VCAM1: variants seen among roughly 807,000 people sequenced by gnomAD.
The protein encoded by VCAM1 is vascular cell adhesion protein 1.
In VCAM1, 41 loss-of-function variants were observed where a neutral mutation model predicts 63.8. The observed-to-expected ratio is 0.64, with a 90% CI of 0.50 to 0.83. The LOEUF (loss-of-function observed/expected upper bound fraction) is 0.83. Among genes scored for constraint, VCAM1 ranks in the 40% least tolerant of loss-of-function variants. The pLI is 0.00. For missense variants in VCAM1, 798 were observed against 875.5 expected, an observed-to-expected ratio of 0.91 and a Z score of 1.12; for synonymous variants, 338 against 320.7, an observed-to-expected ratio of 1.05 and a Z score of -0.58.
chr1:100,723,082 G>A lies in VCAM1; in HGVS notation c.403G>A (p.Val135Ile). 6.2e-7 allele frequency: 1 copy of A among 1,612,950 alleles called. No homozygotes were observed. Among genetic ancestry groups the A allele is most frequent in the Non-Finnish European group, 8.5e-7 (1 of 1,179,392 alleles). Reference protein sequence around the residue: ...GPLEAGKPITVKCSVADVYPF... With the variant: ...GPLEAGKPITIKCSVADVYPF... The stretch of plus-strand genomic sequence containing the variant: ...TCTGGAGGCTGGGAAGCCGATCACA[G>A]TCAAGTGTTCAGTTGCTGATGTATA... Residue 135 changes from valine (V) to isoleucine (I), a missense_variant, in exon 3 of 9, where the codon GTC becomes ATC. Coordinates refer to ENST00000294728, the MANE Select transcript of VCAM1 (RefSeq NM_001078.4).
chr1:100,738,125 AG>A lies in VCAM1; in HGVS notation c.2063del (p.Arg688LysfsTer21). 6.2e-7 allele frequency: 1 copy of A among 1,612,090 alleles called. No homozygotes were observed. The highest frequency in any genetic ancestry group is 1.1e-5 in the South Asian group (1 of 90,658). ...GCATCCATTTTGTTATTTTCCAGGAAGAGAAAACAACAAAGACTATTTTTCT... is the reference window on the plus strand; with the variant it reads ...GCATCCATTTTGTTATTTTCCAGGAAAGAAAACAACAAAGACTATTTTTCT... ...LRSLTLDVQG[R>X]ENNKDYFSPE... On this transcript the variant is annotated frameshift_variant, in exon 9 of 9. Transcript: ENST00000294728. LOFTEE classifies it high-confidence loss of function.
At chr1:100,721,398 G>A (rs1212994283) in intron 2 of VCAM1, among the ~76,000 whole-genome samples, 1 of 151,918 alleles carries the variant, frequency 6.6e-6, no homozygotes, top group Non-Finnish European at 1.5e-5. Flanking sequence ...CCTCATGAAA[G>A]TGAGTGGATG....
chr1:100,722,366 A>C (rs994551356), intron 2 of VCAM1, among the ~76,000 whole-genome samples: 2 of 152,038 alleles, frequency 1.3e-5, no homozygotes, highest in East Asian at 1.9e-4. Flanking sequence ...CAGAGGCACC[A>C]TTTTCAGAAG....
At chr1:100,734,078 TA>T (rs1164368336) in intron 7 of VCAM1, among the ~76,000 whole-genome samples, 3 of 152,094 alleles carry the variant, frequency 2.0e-5, no homozygotes, top group Non-Finnish European at 2.9e-5. Context: ...TGCCACACTT[TA>T]AAACCAAAAG....
chr1:100,728,880 T>C (rs568723290), intron 4 of VCAM1, among the ~76,000 whole-genome samples: 42 of 152,142 alleles, frequency 2.8e-4, no homozygotes, highest in African/African-American at 1.0e-3. Flanking sequence ...TGACAAATTT[T>C]TATCTATTCA....
In VCAM1 at chr1:100,731,413, A is replaced by T. The variant is rs748956130; in HGVS notation, c.1420A>T (p.Ile474Phe). ...KSLEMTFIPT[I>F]EDTGKALVCQ... ...TTTGGAAATGACCTTCATCCCTACC[A>T]TTGAAGATACTGGAAAAGCTCTTGT... is the stretch of plus-strand genomic sequence containing the variant. The change falls in exon 6 of 9, where the codon ATT becomes TTT. Residue 474 changes from isoleucine (I) to phenylalanine (F), a missense_variant. Ile to Phe is a conservative substitution (Grantham distance 21). Coordinates refer to ENST00000294728, the MANE Select transcript of VCAM1 (RefSeq NM_001078.4). The surrounding 1 kb of genome is among the most constrained non-coding windows in gnomAD (Gnocchi z 4.2). The T allele has an allele frequency of 6.2e-7, 1 of 1,613,842 alleles. No homozygotes were observed. The highest frequency in any genetic ancestry group is 1.1e-5 in the South Asian group (1 of 91,080).
chr1:100,727,908 C>G (rs1222449925), intron 4 of VCAM1, among the ~76,000 whole-genome samples: 1 of 152,036 alleles, frequency 6.6e-6, no homozygotes, highest in Non-Finnish European at 1.5e-5. Context: ...TAACTTATGG[C>G]ATAGATGAGA....
intron 7 of VCAM1, 83 bp downstream of exon 7, chr1:100,732,767 CA>C: frequency 7.0e-7 from 1 of 1,426,334 alleles, no homozygotes; most frequent in Non-Finnish European, 9.3e-7. Context: ...TCTTTGAAAA[CA>C]AAATTTTTAC....
In VCAM1 at chr1:100,731,292, T is replaced by C; in HGVS notation, c.1299T>C (p.Leu433=). ...VSCKVPSVYP[L]DRLEIELLKG... ...GCAAGGTTCCTAGCGTGTACCCCCT[T>C]GACCGGCTGGAGATTGAATTACTTA... The change falls in exon 6 of 9, where the codon CTT becomes CTC. Residue 433 remains leucine (L), a synonymous_variant. Coordinates refer to ENST00000294728, the MANE Select transcript of VCAM1 (RefSeq NM_001078.4). The surrounding 1 kb of genome is among the most constrained non-coding windows in gnomAD (Gnocchi z 4.2). 1 of 1,613,848 alleles carries C rather than the reference T, an allele frequency of 6.2e-7. No individual in the cohort carries two copies. The highest frequency in any genetic ancestry group is 1.3e-5 in the African/African-American group (1 of 75,020).
At position 100,731,531 on chromosome 1, in the gene VCAM1, G is replaced by A. The variant is rs1660457089; in HGVS notation, c.1525+13G>A. 2 of 1,605,850 alleles carry A rather than the reference G, an allele frequency of 1.2e-6. No homozygotes were observed. The highest frequency in any genetic ancestry group is 1.7e-6 in the Non-Finnish European group (2 of 1,175,636). ...CTTTATGTCAATGGTAAGTACATAT[G>A]TGAGGTATCTACAGTTTAATACCTG... On this transcript the variant is annotated intron_variant, in intron 6 of 8. Transcript: ENST00000294728. This position sits in a 1 kb window ranked among gnomAD's most constrained non-coding sequence, Gnocchi z 4.2.
At chr1:100,735,068 G>T (rs1021762152) in intron 8 of VCAM1, 2 of 286,520 alleles carry the variant, frequency 7.0e-6, no homozygotes, top group Non-Finnish European at 1.3e-5. Flanking sequence ...TTCCCGGGAG[G>T]TTATAAGGAA....
At chr1:100,736,918 C>T (rs540079872) in intron 8 of VCAM1, 44 of 152,258 alleles carry the variant, frequency 2.9e-4, no homozygotes, top group African/African-American at 1.0e-3. Context: ...TCTGCCAGGA[C>T]TGAGACAATG....
At chr1:100,727,709 T>A (rs1284713810) in intron 4 of VCAM1, among the ~76,000 whole-genome samples, 1 of 152,088 alleles carries the variant, frequency 6.6e-6, no homozygotes, top group Non-Finnish European at 1.5e-5. Flanking sequence ...TGAGAAATGT[T>A]CACAGACAGG....
Position 100,720,526 on chromosome 1 carries a change from A to G in VCAM1, c.115A>G (p.Ile39Val). Residue 39 changes from isoleucine (I) to valine (V), a missense_variant, in exon 2 of 9, where the codon ATT becomes GTT. Ile to Val is a conservative substitution (Grantham distance 29). Transcript: ENST00000294728. ...TTPESRYLAQ[I>V]GDSVSLTCST... ...CCCAGAATCTAGATATCTTGCTCAGATTGGTGACTCCGTCTCATTGACTTG... is the reference window on the plus strand; with the variant it reads ...CCCAGAATCTAGATATCTTGCTCAGGTTGGTGACTCCGTCTCATTGACTTG... The G allele has an allele frequency of 6.2e-7, 1 of 1,613,320 alleles. No individual in the cohort carries two copies. The highest frequency in any genetic ancestry group is 8.5e-7 in the Non-Finnish European group (1 of 1,179,474).
chr1:100,731,879 C>CT lies in VCAM1; in HGVS notation c.1525+364dup, dbSNP rs759433195. Among the ~76,000 whole-genome samples, 3 of 152,156 alleles carry CT rather than the reference C, an allele frequency of 2.0e-5. No homozygotes were observed. The highest frequency in any genetic ancestry group is 2.9e-5 in the Non-Finnish European group (2 of 68,030). The stretch of plus-strand genomic sequence containing the variant: ...CCATATCTTGGATGACTTGGCCTCT[C>CT]TTTCTTTATGTGGTGTCACCCTGAG... On this transcript the variant is annotated intron_variant, in intron 6 of 8. Transcript: ENST00000294728. The surrounding 1 kb of genome is among the most constrained non-coding windows in gnomAD (Gnocchi z 4.2).
Position 100,731,155 on chromosome 1 carries a change from T to G in VCAM1, c.1205-43T>G. On this transcript the variant is annotated intron_variant, in intron 5 of 8. Coordinates refer to ENST00000294728, the MANE Select transcript of VCAM1 (RefSeq NM_001078.4). This position sits in a 1 kb window ranked among gnomAD's most constrained non-coding sequence, Gnocchi z 4.2. ...TAATAAAGCTTAGCTCAATTTTTCCTTGAATATCAAGAATAAAAATCGTTT... is the reference window on the plus strand; with the variant it reads ...TAATAAAGCTTAGCTCAATTTTTCCGTGAATATCAAGAATAAAAATCGTTT... 4 of 1,542,628 alleles carry G rather than the reference T, an allele frequency of 2.6e-6. No individual in the cohort carries two copies. The highest frequency in any genetic ancestry group is 3.5e-6 in the Non-Finnish European group (4 of 1,148,492).
intron 4 of VCAM1, among the ~76,000 whole-genome samples, chr1:100,727,043 C>CTGTGTGTGTGTGTGTGTGTG (rs57979614): frequency 6.8e-6 from 1 of 147,700 alleles, no homozygotes; most frequent in Non-Finnish European, 1.5e-5. Flanking sequence ...ATCAGGAATT[C>CTGTGTGTGTGTGTGTGTGTG]TGTGTGTGTG....
At chr1:100,721,439 C>A (rs890314335) in intron 2 of VCAM1, among the ~76,000 whole-genome samples, 7 of 151,972 alleles carry the variant, frequency 4.6e-5, no homozygotes, top group African/African-American at 1.7e-4. Flanking sequence ...CAAAATGCAT[C>A]CCACTCCATT....
chr1:100,728,138 G>T (rs1179911811), intron 4 of VCAM1, among the ~76,000 whole-genome samples: 1 of 152,062 alleles, frequency 6.6e-6, no homozygotes, highest in Non-Finnish European at 1.5e-5. Flanking sequence ...AGAAGCCCAT[G>T]CACCCAGCCG....
Sources: gnomAD v4.1 joint callset for allele counts (sites outside exome capture counted in the v4.1 genomes callset) on GRCh38, gnomAD v4.1.1 for gene constraint, Gnocchi (gnomAD v3.1) non-coding constraint, MANE v1.5 for transcripts, NCBI Gene and HGNC (gene_info 2026-07-23, HGNC 2026-07-21) for gene names.